The following BNC2 variants were observed in gnomAD, a reference collection of about 807,000 sequenced individuals.
BNC2 encodes the protein basonuclin zinc finger protein 2.
BNC2 carries 20 observed loss-of-function variants against 76.3 expected under a neutral mutation model. The observed-to-expected ratio is 0.26, with a 90% confidence interval of 0.18 to 0.38. BNC2 has a LOEUF of 0.38. Among genes scored for constraint, BNC2 ranks in the 10% least tolerant of loss-of-function variants. The pLI, the probability that BNC2 is intolerant of heterozygous loss-of-function variation, is 1.00. For missense variants in BNC2, 1,382 were observed against 1,399.8 expected (o/e 0.99, Z 0.20); for synonymous variants, 582 against 514.8 (o/e 1.13, Z -1.77).
intron 5 of BNC2, among the ~76,000 whole-genome samples, chr9:16,545,807 T>C (rs1045247616): frequency 6.6e-6 from 1 of 152,152 alleles, no homozygotes; most frequent in Non-Finnish European, 1.5e-5. Flanking sequence ...AGAACCTTCA[T>C]CTTCTCTCAG....
chr9:16,641,626 A>G (rs1468007889), intron 3 of BNC2, among the ~76,000 whole-genome samples: 1 of 152,218 alleles, frequency 6.6e-6, no homozygotes, highest in Non-Finnish European at 1.5e-5. Context: ...ATATTGGACT[A>G]AACAATCCTG....
At chr9:16,788,468 G>C (rs1031567807) in intron 1 of BNC2, among the ~76,000 whole-genome samples, 1 of 151,446 alleles carries the variant, frequency 6.6e-6, no homozygotes, top group African/African-American at 2.4e-5. Context: ...CAGGAGAATG[G>C]CGTGAACCCA....
chr9:16,650,275 G>A (rs1283856697), intron 3 of BNC2, among the ~76,000 whole-genome samples: 1 of 152,092 alleles, frequency 6.6e-6, no homozygotes, highest in African/African-American at 2.4e-5. Flanking sequence ...GGCATAAATA[G>A]GACCATTCCA....
At position 16,847,580 on chromosome 9, in the gene BNC2, T is replaced by C. The variant is rs1224606925; in HGVS notation, c.3+23066A>G. On this transcript the variant is annotated intron_variant, in intron 1 of 6. Coordinates refer to ENST00000380672, the MANE Select transcript of BNC2 (RefSeq NM_017637.6). Reference sequence around the variant, plus strand: ...TTTCAATCAGGAATAGAACATTAAATTCTAAGACTAAAATATACAAGGTAG... The same window carrying C: ...TTTCAATCAGGAATAGAACATTAAACTCTAAGACTAAAATATACAAGGTAG... Among the ~76,000 whole-genome samples, 3 of 152,136 alleles carry C rather than the reference T, an allele frequency of 2.0e-5. No homozygotes were observed. The East Asian group carries it at 5.8e-4, about 29-fold the overall frequency.
intron 3 of BNC2, among the ~76,000 whole-genome samples, chr9:16,692,802 G>C (rs756562685): frequency 5.9e-5 from 9 of 152,090 alleles, no homozygotes; most frequent in Non-Finnish European, 1.3e-4. Flanking sequence ...TGACCGAAAA[G>C]ATCGCTGTCA....
chr9:16,481,566 G>A (rs1822057595), intron 5 of BNC2, among the ~76,000 whole-genome samples: 1 of 152,078 alleles, frequency 6.6e-6, no homozygotes, highest in African/African-American at 2.4e-5. Flanking sequence ...GCGAGGGTCC[G>A]CGACTTCATT....
intron 3 of BNC2, among the ~76,000 whole-genome samples, chr9:16,598,741 T>C (rs1283256666): frequency 1.3e-5 from 2 of 152,126 alleles, no homozygotes; most frequent in African/African-American, 2.4e-5. Flanking sequence ...TACCATACTG[T>C]ACCTGAAACC....
At chr9:16,801,887 G>A (rs188511274) in intron 1 of BNC2, among the ~76,000 whole-genome samples, 1 of 152,050 alleles carries the variant, frequency 6.6e-6, no homozygotes, top group Non-Finnish European at 1.5e-5. Context: ...TGTGGTTCTG[G>A]CTCAAGTCTG....
intron 4 of BNC2, among the ~76,000 whole-genome samples, chr9:16,573,917 C>T (rs1416410397): frequency 6.6e-6 from 1 of 152,122 alleles, no homozygotes; most frequent in African/African-American, 2.4e-5. Context: ...TTAGGGCTCC[C>T]AGAATACAAT....
chr9:16,780,481 G>T (rs567281341), intron 1 of BNC2, among the ~76,000 whole-genome samples: 2 of 150,470 alleles, frequency 1.3e-5, no homozygotes, highest in South Asian at 2.1e-4. Context: ...CTGAGGCAAG[G>T]GAATCGCCTG....
At chr9:16,810,802 C>G (rs527696405) in intron 1 of BNC2, among the ~76,000 whole-genome samples, 3 of 152,326 alleles carry the variant, frequency 2.0e-5, no homozygotes, top group East Asian at 3.9e-4. Flanking sequence ...GGAATGTAGA[C>G]AAGGTGTTGC....
At chr9:16,800,433 G>A (rs919315394) in intron 1 of BNC2, among the ~76,000 whole-genome samples, 1 of 152,006 alleles carries the variant, frequency 6.6e-6, no homozygotes, top group Non-Finnish European at 1.5e-5. Context: ...TCAAAAGTAA[G>A]GCAAATCCTG....
chr9:16,648,209 G>A (rs779771011), intron 3 of BNC2, among the ~76,000 whole-genome samples: 45 of 152,318 alleles, frequency 3.0e-4, no homozygotes, highest in Admixed American at 9.2e-4. Context: ...AGATGAGGCA[G>A]ATGCTATGAA....
intron 1 of BNC2, among the ~76,000 whole-genome samples, chr9:16,851,775 A>G (rs1347784307): frequency 6.6e-6 from 1 of 152,188 alleles, no homozygotes; most frequent in African/African-American, 2.4e-5. Context: ...TCAAAGATTA[A>G]TCAAAAGCCC....
chr9:16,496,528 T>C (rs930498442), intron 5 of BNC2, among the ~76,000 whole-genome samples: 3 of 152,238 alleles, frequency 2.0e-5, no homozygotes, highest in African/African-American at 7.2e-5. Context: ...TGTGAGGCAC[T>C]TTATTTTTAA....
At chr9:16,760,861 G>C (rs773798825) in intron 1 of BNC2, among the ~76,000 whole-genome samples, 12 of 152,196 alleles carry the variant, frequency 7.9e-5, no homozygotes, top group Non-Finnish European at 1.6e-4. Flanking sequence ...AAAATAATGA[G>C]TGCTGCAGCA....
At chr9:16,579,975 A>G (rs936767046) in intron 4 of BNC2, 1 of 397,096 alleles carries the variant, frequency 2.5e-6, no homozygotes. Flanking sequence ...TGGGCAATGT[A>G]TCTTGGTAGT....
chr9:16,661,329 T>C (rs2134060015), intron 3 of BNC2, among the ~76,000 whole-genome samples: 1 of 152,320 alleles, frequency 6.6e-6, no homozygotes, highest in South Asian at 2.1e-4. Flanking sequence ...ATAAACTCTC[T>C]CAACCAGTTT....
At chr9:16,829,875 A>G (rs919884461) in intron 1 of BNC2, among the ~76,000 whole-genome samples, 1 of 152,246 alleles carries the variant, frequency 6.6e-6, no homozygotes, top group Non-Finnish European at 1.5e-5. Flanking sequence ...ATGCCCCCCT[A>G]AAGAAAATAG....
Sources: gnomAD v4.1 joint callset for allele counts (sites outside exome capture counted in the v4.1 genomes callset) on GRCh38, gnomAD v4.1.1 for gene constraint, MANE v1.5 for transcripts, NCBI Gene and HGNC (gene_info 2026-07-23, HGNC 2026-07-21) for gene names.